Variants in LCMT1 observed in about 807,000 individuals in gnomAD.
The protein encoded by LCMT1 is [Phosphatase 2A protein]-leucine-carboxy methyltransferase 1.
In LCMT1, 32 loss-of-function variants were observed where a neutral mutation model predicts 47.7. That is an observed-to-expected ratio of 0.67 (90% CI 0.51 to 0.90). The LOEUF (loss-of-function observed/expected upper bound fraction) is 0.90, where lower values mean the gene tolerates loss of function less well. LCMT1 is among the 40% of genes least tolerant of loss of function. LCMT1 has a pLI of 0.00. For synonymous variants in LCMT1, 152 were observed against 149.7 expected, an observed-to-expected ratio of 1.02 and a Z score of -0.11; for missense variants, 375 against 415.2, an observed-to-expected ratio of 0.90 and a Z score of 0.84.
chr16:25,152,433 A>G (rs77841384), intron 5 of LCMT1, among the ~76,000 whole-genome samples: 2,442 of 152,234 alleles, frequency 0.016, 59 homozygotes, highest in African/African-American at 0.056. Context: ...TTTTTAGTCT[A>G]TAGTAGACTT....
chr16:25,121,616 G>A (rs1201556772), intron 1 of LCMT1, among the ~76,000 whole-genome samples: 1 of 152,124 alleles, frequency 6.6e-6, no homozygotes, highest in Non-Finnish European at 1.5e-5. Context: ...AGAGGCCTCA[G>A]GAAACTTAGT....
At chr16:25,165,329 A>G (rs892975505) in intron 7 of LCMT1, among the ~76,000 whole-genome samples, 2 of 152,164 alleles carry the variant, frequency 1.3e-5, no homozygotes, top group African/African-American at 4.8e-5. Flanking sequence ...TTGCAGAAAA[A>G]GTTCTGCTTT....
intron 3 of LCMT1, among the ~76,000 whole-genome samples, chr16:25,133,697 T>A (rs891488458): frequency 2.0e-5 from 3 of 149,852 alleles, no homozygotes; most frequent in African/African-American, 7.3e-5. Flanking sequence ...GTGCCTGGCC[T>A]CCTGGGCTTA....
chr16:25,125,838 G>GTAACAATAATAATAA (rs1960157610), intron 1 of LCMT1: 1 of 154,358 alleles, frequency 6.5e-6, no homozygotes, highest in South Asian at 2.1e-4. Context: ...ATCTCTAATA[G>GTAACAATAATAATAA]TAATAATAAT....
intron 5 of LCMT1, among the ~76,000 whole-genome samples, chr16:25,153,301 CT>C (rs1961135406): frequency 6.6e-6 from 1 of 152,202 alleles, no homozygotes; most frequent in South Asian, 2.1e-4. Context: ...GGACTGGGTA[CT>C]TTATAAAAAG....
At chr16:25,151,518 A>G in intron 4 of LCMT1, 36 bp from the exon 5 acceptor site, 1 of 1,535,070 alleles carries the variant, frequency 6.5e-7, no homozygotes, top group Non-Finnish European at 9.0e-7. Flanking sequence ...AGGAGCAAAT[A>G]GACTCATTTT....
At chr16:25,116,598 C>A (rs1469890998) in intron 1 of LCMT1, among the ~76,000 whole-genome samples, 3 of 151,386 alleles carry the variant, frequency 2.0e-5, no homozygotes, top group African/African-American at 7.3e-5. Flanking sequence ...CTCTTTTCCA[C>A]AGTGGAGGAG....
At chr16:25,130,151 T>C (rs998635250) in intron 2 of LCMT1, among the ~76,000 whole-genome samples, 15 of 151,248 alleles carry the variant, frequency 9.9e-5, no homozygotes, top group Admixed American at 9.2e-4. Context: ...CCATCCTGGC[T>C]AACACGGTGA....
chr16:25,133,249 T>C (rs1305218376), intron 3 of LCMT1, among the ~76,000 whole-genome samples: 2 of 152,150 alleles, frequency 1.3e-5, no homozygotes, highest in Non-Finnish European at 2.9e-5. Flanking sequence ...TGGGTGATGA[T>C]AATATGTTGC....
intron 1 of LCMT1, among the ~76,000 whole-genome samples, chr16:25,126,583 T>A (rs564599499): frequency 2.3e-4 from 35 of 152,346 alleles, no homozygotes; most frequent in African/African-American, 8.4e-4. Context: ...TGTTTACCAC[T>A]GTACCCCCAG....
intron 7 of LCMT1, among the ~76,000 whole-genome samples, chr16:25,166,154 C>G (rs1483619381): frequency 6.6e-6 from 1 of 151,640 alleles, no homozygotes; most frequent in Non-Finnish European, 1.5e-5. Context: ...CCTATAATCC[C>G]AGCTACTTGG....
At chr16:25,160,972 C>A (rs1159062915) in intron 5 of LCMT1, 130 bp from the exon 6 acceptor site, 6 of 564,780 alleles carry the variant, frequency 1.1e-5, no homozygotes, top group East Asian at 3.0e-5. Context: ...TTAATTTTTA[C>A]CCTCCTCTTA....
intron 1 of LCMT1, among the ~76,000 whole-genome samples, chr16:25,119,031 G>T (rs955368078): frequency 6.6e-6 from 1 of 152,206 alleles, no homozygotes; most frequent in Non-Finnish European, 1.5e-5. Flanking sequence ...TAAGGACGGA[G>T]GCAGGATCAG....
At chr16:25,153,063 A>G (rs1961129237) in intron 5 of LCMT1, among the ~76,000 whole-genome samples, 1 of 152,142 alleles carries the variant, frequency 6.6e-6, no homozygotes, top group African/African-American at 2.4e-5. Context: ...GGTTTATTAC[A>G]ACAAGCAGGG....
intron 1 of LCMT1, among the ~76,000 whole-genome samples, chr16:25,115,927 C>T (rs564904900): frequency 5.9e-5 from 9 of 152,324 alleles, no homozygotes; most frequent in African/African-American, 1.9e-4. Flanking sequence ...ATCCACCTGC[C>T]TCAGCCCCTC....
chr16:25,158,537 G>A (rs1032344955), intron 5 of LCMT1, among the ~76,000 whole-genome samples: 4 of 152,332 alleles, frequency 2.6e-5, no homozygotes, highest in African/African-American at 9.6e-5. Flanking sequence ...AGGGATTGTA[G>A]ATCTCATTTT....
intron 4 of LCMT1, among the ~76,000 whole-genome samples, chr16:25,150,361 T>A (rs1961039986): frequency 8.7e-6 from 1 of 114,358 alleles, no homozygotes; most frequent in South Asian, 3.0e-4. Flanking sequence ...TTTTTTTTTT[T>A]GAGACGGAGT....
intron 4 of LCMT1, chr16:25,141,339 GA>G (rs1206559116): frequency 1.3e-5 from 2 of 152,112 alleles, no homozygotes; most frequent in African/African-American, 4.8e-5. Context: ...GCCTCTTGGT[GA>G]ATCTTTACTT....
intron 3 of LCMT1, among the ~76,000 whole-genome samples, chr16:25,137,535 C>T (rs12597995): frequency 0.23 from 34,656 of 151,958 alleles, 4,074 homozygotes; most frequent in East Asian, 0.34. Flanking sequence ...GCCTCCTCCT[C>T]CCAGGCTCAA....
Sources: gnomAD v4.1 joint callset for allele counts (sites outside exome capture counted in the v4.1 genomes callset) on GRCh38, gnomAD v4.1.1 for gene constraint, MANE v1.5 for transcripts, NCBI Gene and HGNC (gene_info 2026-07-23, HGNC 2026-07-21) for gene names.